Variants in SLC35F1 observed in about 807,000 individuals in gnomAD.
SLC35F1 encodes chromosome 6 open reading frame 169.
In SLC35F1, 14 loss-of-function variants were observed where a neutral mutation model predicts 48.7. The observed-to-expected ratio is 0.29, with a 90% CI of 0.19 to 0.45. The LOEUF (loss-of-function observed/expected upper bound fraction) is 0.45, where lower values mean the gene tolerates loss of function less well. Ranked by LOEUF, SLC35F1 falls within the 20% of genes least tolerant of loss-of-function variation. The pLI, the probability that SLC35F1 is intolerant of heterozygous loss-of-function variation, is 1.00. For synonymous variants in SLC35F1, 190 were observed against 202.2 expected (o/e 0.94, Z 0.51); for missense variants, 404 against 500.0 (o/e 0.81, Z 1.83).
At chr6:117,997,569 G>A (rs538625307) in intron 1 of SLC35F1, among the ~76,000 whole-genome samples, 2 of 152,200 alleles carry the variant, frequency 1.3e-5, no homozygotes, top group South Asian at 4.1e-4. Flanking sequence ...GACTAACAGT[G>A]GATCTCTCAG....
At chr6:118,039,005 A>T (rs1362079276) in intron 1 of SLC35F1, among the ~76,000 whole-genome samples, 1 of 152,172 alleles carries the variant, frequency 6.6e-6, no homozygotes, top group Non-Finnish European at 1.5e-5. Context: ...TTGATGTTGT[A>T]TCCTGCAACA....
chr6:118,092,000 G>A (rs1279290275), intron 1 of SLC35F1, among the ~76,000 whole-genome samples: 1 of 152,126 alleles, frequency 6.6e-6, no homozygotes, highest in Non-Finnish European at 1.5e-5. Context: ...TTTCTAAGTG[G>A]CGAAGCATTC....
In SLC35F1 at chr6:118,314,296, T is replaced by A; in HGVS notation, c.*44T>A. 1 of 1,554,066 alleles carries A rather than the reference T, an allele frequency of 6.4e-7. No individual in the cohort carries two copies. The highest frequency in any genetic ancestry group is 8.9e-7 in the Non-Finnish European group (1 of 1,126,766). On this transcript the variant is annotated 3_prime_UTR_variant, in exon 8 of 8. Transcript: ENST00000360388. ...AACTGAGGCCAACTCATTGGCCATG[T>A]TTTTGCCCATCATCTCTGTATTGTA...
intron 1 of SLC35F1, among the ~76,000 whole-genome samples, chr6:118,054,385 A>G (rs1772433812): frequency 6.6e-6 from 1 of 152,224 alleles, no homozygotes; most frequent in African/African-American, 2.4e-5. Flanking sequence ...TGTTTTAGTC[A>G]TATATCATAA....
Position 118,165,821 on chromosome 6 carries a change from C to T in SLC35F1, c.349+11201C>T, listed in dbSNP as rs115642407. Reference sequence around the variant, plus strand: ...GGTTTGGGCACAGGAGCCATAGATACTTTGGAAGACCCTATCATTACAACA... The same window carrying T: ...GGTTTGGGCACAGGAGCCATAGATATTTTGGAAGACCCTATCATTACAACA... On this transcript the variant is annotated intron_variant, in intron 2 of 7. Transcript: ENST00000360388. Among the ~76,000 whole-genome samples, 688 of 152,304 alleles carry T rather than the reference C, an allele frequency of 4.5e-3. 6 individuals are homozygous for T. Among genetic ancestry groups the T allele is most frequent in the African/African-American group, 0.016 (649 of 41,560 alleles).
intron 2 of SLC35F1, among the ~76,000 whole-genome samples, chr6:118,234,489 G>T (rs567586751): frequency 1.6e-4 from 25 of 152,250 alleles, no homozygotes; most frequent in African/African-American, 5.8e-4. Context: ...TTGGAAGCAG[G>T]TCCCTCCCCA....
chr6:118,135,368 A>T (rs181698390), intron 1 of SLC35F1, among the ~76,000 whole-genome samples: 4 of 152,240 alleles, frequency 2.6e-5, no homozygotes, highest in African/African-American at 9.6e-5. Context: ...AGAACCTTCC[A>T]TGCTACTTGG....
chr6:118,028,591 A>G (rs1263777529), intron 1 of SLC35F1, among the ~76,000 whole-genome samples: 3 of 152,130 alleles, frequency 2.0e-5, no homozygotes, highest in African/African-American at 7.2e-5. Flanking sequence ...GAAGAAAAGA[A>G]GGCTGAAGGA....
intron 1 of SLC35F1, among the ~76,000 whole-genome samples, chr6:118,047,834 C>T (rs1772322559): frequency 6.6e-6 from 1 of 152,134 alleles, no homozygotes; most frequent in Non-Finnish European, 1.5e-5. Context: ...AAAAGTAAAA[C>T]AATTTGACTT....
chr6:118,070,910 A>ACATAG (rs1772695908), intron 1 of SLC35F1, among the ~76,000 whole-genome samples: 1 of 137,960 alleles, frequency 7.2e-6, no homozygotes, highest in African/African-American at 2.6e-5. Context: ...TACTATATAT[A>ACATAG]TATACATAGT....
chr6:118,016,116 A>C (rs1777317635), intron 1 of SLC35F1, among the ~76,000 whole-genome samples: 1 of 152,170 alleles, frequency 6.6e-6, no homozygotes, highest in Non-Finnish European at 1.5e-5. Flanking sequence ...TAGTTTTCTT[A>C]CTCAGTGAGT....
At chr6:118,065,485 C>A (rs553525340) in intron 1 of SLC35F1, among the ~76,000 whole-genome samples, 2 of 152,146 alleles carry the variant, frequency 1.3e-5, no homozygotes, top group East Asian at 3.9e-4. Flanking sequence ...ATGGATATCC[C>A]AATTACCCTG....
At chr6:118,245,151 T>C (rs1466551319) in intron 3 of SLC35F1, among the ~76,000 whole-genome samples, 1 of 152,238 alleles carries the variant, frequency 6.6e-6, no homozygotes, top group African/African-American at 2.4e-5. Context: ...AAAGAAACTG[T>C]ACTTTCTTTA....
At chr6:118,121,012 T>G (rs1304497062) in intron 1 of SLC35F1, among the ~76,000 whole-genome samples, 1 of 152,076 alleles carries the variant, frequency 6.6e-6, no homozygotes, top group Non-Finnish European at 1.5e-5. Flanking sequence ...TTTTTTTATT[T>G]CAAGTAAACT....
chr6:117,969,128 C>G (rs2114841594), intron 1 of SLC35F1, among the ~76,000 whole-genome samples: 1 of 152,248 alleles, frequency 6.6e-6, no homozygotes, highest in African/African-American at 2.4e-5. Flanking sequence ...CAGAAACAAA[C>G]TGAGAGAGAT....
intron 1 of SLC35F1, among the ~76,000 whole-genome samples, chr6:118,144,797 T>A (rs1000811359): frequency 6.6e-6 from 1 of 152,156 alleles, no homozygotes; most frequent in African/African-American, 2.4e-5. Flanking sequence ...ATTTTTAACA[T>A]GTAAATTGAC....
Position 118,127,465 on chromosome 6 carries a change from G to A in SLC35F1, c.174-26980G>A, listed in dbSNP as rs550602047. ...CTCTTTTTTGGTTGTGTCTCTGCCC[G>A]GCTTTGGTATCAGGATGATGCTGGC... On this transcript the variant is annotated intron_variant, in intron 1 of 7. Transcript: ENST00000360388. 4.9e-3 allele frequency among the ~76,000 whole-genome samples: 749 copies of A among 152,034 alleles called. 10 individuals are homozygous for A. The highest frequency in any genetic ancestry group is 0.017 in the African/African-American group (692 of 41,464).
chr6:118,181,749 G>A (rs904311048), intron 2 of SLC35F1, among the ~76,000 whole-genome samples: 8 of 151,870 alleles, frequency 5.3e-5, no homozygotes, highest in African/African-American at 1.9e-4. Flanking sequence ...ATACAATAAG[G>A]AAAAAAATAA....
intron 1 of SLC35F1, among the ~76,000 whole-genome samples, chr6:117,921,615 C>A (rs1386821338): frequency 6.6e-6 from 1 of 152,142 alleles, no homozygotes; most frequent in African/African-American, 2.4e-5. Flanking sequence ...TGCTTTCAAG[C>A]CTAAAGAAGT....
Sources: gnomAD v4.1 joint callset for allele counts (sites outside exome capture counted in the v4.1 genomes callset) on GRCh38, gnomAD v4.1.1 for gene constraint, MANE v1.5 for transcripts, NCBI Gene and HGNC (gene_info 2026-07-23, HGNC 2026-07-21) for gene names.